Variants in DTD1 observed in about 807,000 individuals in gnomAD.
The protein encoded by DTD1 is D-tyrosyl-tRNA deacylase 1 homolog.
Under a neutral mutation model 25.6 loss-of-function variants are expected in DTD1, and 13 were observed. The ratio of observed to expected loss-of-function variants is 0.51; its 90% CI spans 0.33 to 0.81. The LOEUF is 0.81. Ranked by LOEUF, DTD1 falls within the 30% of genes least tolerant of loss-of-function variation. DTD1 has a pLI of 0.02. For synonymous variants in DTD1, 110 were observed against 103.6 expected, an observed-to-expected ratio of 1.06 and a Z score of -0.37; for missense variants, 193 against 266.4, an observed-to-expected ratio of 0.72 and a Z score of 1.92.
At chr20:18,762,504 C>T (rs939596265) in intron 5 of DTD1, among the ~76,000 whole-genome samples, 4 of 152,290 alleles carry the variant, frequency 2.6e-5, no homozygotes, top group South Asian at 2.1e-4. Flanking sequence ...TTATTCCCTC[C>T]CTGTCCCTGC....
Position 18,748,381 on chromosome 20 carries a change from C to T in DTD1, c.*19+4110C>T, listed in dbSNP as rs73899882. On this transcript the variant is annotated intron_variant, in intron 5 of 5. Transcript: ENST00000377452. ...TGAAAATCTTTGGTTTAATCTATGA[C>T]GGGGTATTGAGTTTTGTTACTTTTA... 8.7e-3 allele frequency among the ~76,000 whole-genome samples: 1,322 copies of T among 152,116 alleles called. 18 individuals carry two copies. Among genetic ancestry groups the T allele is most frequent in the African/African-American group, 0.03 (1,259 of 41,474 alleles).
intron 4 of DTD1, among the ~76,000 whole-genome samples, chr20:18,718,441 A>T (rs1266702378): frequency 6.6e-6 from 1 of 152,104 alleles, no homozygotes; most frequent in East Asian, 1.9e-4. Flanking sequence ...CAGAGGGAGG[A>T]TGTATGGGAT....
intron 4 of DTD1, among the ~76,000 whole-genome samples, chr20:18,655,670 G>A (rs945451919): frequency 2.0e-5 from 3 of 152,176 alleles, no homozygotes; most frequent in African/African-American, 4.8e-5. Context: ...CACACATCAC[G>A]TCAGGGGCAA....
rs376106289 is a variant in DTD1 at position 18,667,806 on chromosome 20, C to T, written c.477+39573C>T. ...CTGAGCGCCCTCTCCCTTCTCCCCA[C>T]GCCTCTGCCTCTGGGGCCAGGTCAT... is the stretch of plus-strand genomic sequence containing the variant. On this transcript the variant is annotated intron_variant, in intron 4 of 5. Coordinates refer to ENST00000377452, the MANE Select transcript of DTD1 (RefSeq NM_080820.6). Among the ~76,000 whole-genome samples the T allele has an allele frequency of 1.3e-4, 20 of 152,294 alleles. No homozygotes were observed. The East Asian group carries it at 2.7e-3, about 21-fold the overall frequency.
rs2061376043 is a variant in DTD1, at chr20:18,765,350, C to T, written c.*2010C>T. On this transcript the variant is annotated 3_prime_UTR_variant, in exon 6 of 6. Transcript: ENST00000377452. The stretch of plus-strand genomic sequence containing the variant: ...CAAAAGTGGAAGGTGATGTTGGGAG[C>T]TTTTGGTGTTTGAGCAGAAATTCTG... 1 of 152,214 alleles carries T rather than the reference C, an allele frequency of 6.6e-6. No homozygotes were observed. Among genetic ancestry groups the T allele is most frequent in the African/African-American group, 2.4e-5 (1 of 41,454 alleles). 9.4% of individuals were successfully genotyped at this position (152,214 alleles called of 1,614,324 possible).
intron 4 of DTD1, among the ~76,000 whole-genome samples, chr20:18,645,093 T>A (rs1181537441): frequency 6.6e-6 from 1 of 152,188 alleles, no homozygotes; most frequent in Non-Finnish European, 1.5e-5. Flanking sequence ...GAGGCCACAG[T>A]GAGCCATGAT....
chr20:18,670,906 T>G (rs2060949520), intron 4 of DTD1, among the ~76,000 whole-genome samples: 3 of 152,242 alleles, frequency 2.0e-5, no homozygotes, highest in Admixed American at 1.3e-4. Context: ...TAGTGAATTA[T>G]TTTGTGTCAT....
At chr20:18,629,865 C>T (rs1202625744) in intron 4 of DTD1, among the ~76,000 whole-genome samples, 1 of 151,960 alleles carries the variant, frequency 6.6e-6, no homozygotes, top group Non-Finnish European at 1.5e-5. Flanking sequence ...GGATGTACTA[C>T]ACATTTTTAA....
At chr20:18,739,053 G>A (rs1265939429) in intron 4 of DTD1, among the ~76,000 whole-genome samples, 1 of 152,072 alleles carries the variant, frequency 6.6e-6, no homozygotes, top group African/African-American at 2.4e-5. Flanking sequence ...GCCTTAGGTG[G>A]AGCTTGTCCT....
At chr20:18,715,127 A>C (rs1230121496) in intron 4 of DTD1, among the ~76,000 whole-genome samples, 1 of 152,040 alleles carries the variant, frequency 6.6e-6, no homozygotes, top group East Asian at 1.9e-4. Flanking sequence ...GTCCACCCCG[A>C]GTGGGTGTCA....
At chr20:18,748,750 C>A (rs531364051) in intron 5 of DTD1, among the ~76,000 whole-genome samples, 1 of 152,192 alleles carries the variant, frequency 6.6e-6, no homozygotes, top group African/African-American at 2.4e-5. Flanking sequence ...GTATCTACTT[C>A]TTGCTTCTCT....
In DTD1 at chr20:18,734,359, G is replaced by A. The variant is rs191394305; in HGVS notation, c.478-9741G>A. On this transcript the variant is annotated intron_variant, in intron 4 of 5. Coordinates refer to ENST00000377452, the MANE Select transcript of DTD1 (RefSeq NM_080820.6). ...AGGGAAAGATGAATCTCTATACGAA[G>A]TTGACACATGGTCATTGGGCTGGCC... is the stretch of plus-strand genomic sequence containing the variant. Among the ~76,000 whole-genome samples the A allele has an allele frequency of 1.8e-4, 28 of 152,338 alleles. 1 individual carries two copies. Among genetic ancestry groups the A allele is most frequent in the Admixed American group, 1.2e-3 (19 of 15,302 alleles).
At chr20:18,681,109 CG>C (rs2060995162) in intron 4 of DTD1, among the ~76,000 whole-genome samples, 1 of 152,102 alleles carries the variant, frequency 6.6e-6, no homozygotes, top group Admixed American at 6.6e-5. Context: ...GTTTCTACGC[CG>C]GGTGAGTGGT....
chr20:18,713,080 G>A lies in DTD1; in HGVS notation c.478-31020G>A, dbSNP rs904196024. Among the ~76,000 whole-genome samples, 8 of 152,246 alleles carry A rather than the reference G, an allele frequency of 5.3e-5. No homozygotes were observed. The East Asian group carries it at 7.7e-4, about 15-fold the overall frequency. ...AAGGGGCTGCTGGAGAGCTGTTCCC[G>A]GGGCTCACCATAGCCTCTGCTCCCC... On this transcript the variant is annotated intron_variant, in intron 4 of 5. Transcript: ENST00000377452.
chr20:18,695,715 G>T (rs373475738), intron 4 of DTD1, among the ~76,000 whole-genome samples: 1 of 149,634 alleles, frequency 6.7e-6, no homozygotes, highest in Non-Finnish European at 1.5e-5. Context: ...CTGTTGTCCA[G>T]GCTGGAGTGC....
At chr20:18,717,448 G>A (rs974889620) in intron 4 of DTD1, among the ~76,000 whole-genome samples, 2 of 152,144 alleles carry the variant, frequency 1.3e-5, no homozygotes, top group African/African-American at 2.4e-5. Context: ...ATAGATTTAT[G>A]TATATGTTAT....
rs1361136174 is a variant in DTD1 at position 18,763,599 on chromosome 20, T to A, written c.*259T>A. 6.5e-6 allele frequency: 1 copy of A among 152,700 alleles called. No individual in the cohort carries two copies. The highest frequency in any genetic ancestry group is 6.5e-5 in the Admixed American group (1 of 15,288). The allele number at this position is 152,700 out of a possible 1,614,324, so 9.5% of individuals were successfully genotyped here. A position where few individuals can be genotyped will look rare whatever the true frequency, so the allele number is the denominator to read the frequency against. ...GCGGGTGCGCATGTGGTAGAAGGTG[T>A]GCGCTCGTGCCTCCCCCACAGAAAG... is the stretch of plus-strand genomic sequence containing the variant. On this transcript the variant is annotated 3_prime_UTR_variant, in exon 6 of 6. Coordinates refer to ENST00000377452, the MANE Select transcript of DTD1 (RefSeq NM_080820.6).
intron 4 of DTD1, among the ~76,000 whole-genome samples, chr20:18,678,169 C>G (rs967194573): frequency 1.3e-5 from 2 of 152,214 alleles, no homozygotes; most frequent in African/African-American, 4.8e-5. Context: ...AGTGAAACTG[C>G]TTGTGTACTG....
intron 3 of DTD1, among the ~76,000 whole-genome samples, chr20:18,615,519 C>T (rs976983019): frequency 1.4e-4 from 22 of 152,098 alleles, no homozygotes; most frequent in African/African-American, 4.8e-4. Context: ...AGGCATTGAA[C>T]GCTGTCCAAG....
Sources: allele counts gnomAD v4.1 joint callset (sites outside exome capture counted in the v4.1 genomes callset), GRCh38; gene constraint gnomAD v4.1.1; transcripts MANE v1.5; gene names NCBI Gene and HGNC (gene_info 2026-07-23, HGNC 2026-07-21).